Variants in MRPL38 observed in about 807,000 individuals in gnomAD.
MRPL38 encodes the protein large ribosomal subunit protein mL38.
A neutral mutation model predicts 52.1 loss-of-function variants in MRPL38; 51 were observed. The observed-to-expected ratio is 0.98, with a 90% CI of 0.78 to 1.24. The LOEUF is 1.24. Ranked by LOEUF, MRPL38 falls within the 50% of genes most tolerant of loss-of-function variation. The pLI, the probability that MRPL38 is intolerant of heterozygous loss-of-function variation, is 0.00. For missense variants in MRPL38, 527 were observed against 518.6 expected (o/e 1.02, Z -0.16); for synonymous variants, 245 against 212.7 (o/e 1.15, Z -1.32).
chr17:75,900,369 C>T (rs1186125110), intron 6 of MRPL38: 1 of 152,366 alleles, frequency 6.6e-6, no homozygotes, highest in Non-Finnish European at 1.5e-5. Flanking sequence ...TGTCACAGTC[C>T]ACCTCACGCT....
At chr17:75,902,398 C>A (rs554081777) in intron 2 of MRPL38, 52 of 512,660 alleles carry the variant, frequency 1.0e-4, no homozygotes, top group African/African-American at 9.7e-4. Context: ...AGCCACTGCG[C>A]CCAGCCATGG....
In MRPL38 at chr17:75,901,926, C is replaced by T. The variant is rs747083596; in HGVS notation, c.383-6G>A. 1.9e-6 allele frequency: 3 copies of T among 1,603,470 alleles called. No homozygotes were observed. Among genetic ancestry groups the T allele is most frequent in the East Asian group, 4.5e-5 (2 of 44,510 alleles). On this transcript the variant is annotated splice_region_variant and splice_polypyrimidine_tract_variant and intron_variant, in intron 3 of 8. Coordinates refer to ENST00000309352, the MANE Select transcript of MRPL38 (RefSeq NM_032478.4). The surrounding 1 kb of genome is among the most constrained non-coding windows in gnomAD (Gnocchi z 5.7). ...GGCATCCAGCGGGACACTGGCTAGA[C>T]AGGAATAAGGCCAGTTGGGATACGG...
chr17:75,898,834 C>T lies in MRPL38; in HGVS notation c.*16G>A, dbSNP rs142553820. On this transcript the variant is annotated 3_prime_UTR_variant, in exon 9 of 9. Transcript: ENST00000309352. ...CCGATCAATCCCATGCTCTGAAATG[C>T]GCACACTCTGGCTCCTTAGTAGATG... is the stretch of plus-strand genomic sequence containing the variant. 3.9e-3 allele frequency: 6,333 copies of T among 1,611,156 alleles called. 19 individuals carry two copies. Among genetic ancestry groups the T allele is most frequent in the Middle Eastern group, 0.012 (70 of 6,052 alleles).
intron 1 of MRPL38, 33 bp downstream of exon 1, chr17:75,904,776 C>G (rs767002438): frequency 1.1e-5 from 8 of 735,284 alleles, no homozygotes; most frequent in African/African-American, 2.9e-5. Context: ...GACAGCCCCC[C>G]CCCCCCCCCC....
At position 75,902,072 on chromosome 17, in the gene MRPL38, G is replaced by A. The variant is rs2065407549; in HGVS notation, c.330C>T (p.Ile110=). ...TQQLLERKQA[I]QELRANVEEE... is the part of the protein sequence containing the mutation. ...CTTCCACATTGGCCCGAAGCTCCTG[G>A]ATGGCCTGTTTCCGTTCCAGTAGCT... The change falls in exon 3 of 9, where the codon ATC becomes ATT. Residue 110 remains isoleucine (I), a synonymous_variant. Transcript: ENST00000309352. 1 of 1,612,070 alleles carries A rather than the reference G, an allele frequency of 6.2e-7. No individual in the cohort carries two copies. Among genetic ancestry groups the A allele is most frequent in the African/African-American group, 1.3e-5 (1 of 75,030 alleles).
chr17:75,899,436 G>C, intron 7 of MRPL38, 80 bp downstream of exon 7: 4 of 1,516,872 alleles, frequency 2.6e-6, no homozygotes, highest in Non-Finnish European at 3.5e-6. Flanking sequence ...CAAGGCTGAG[G>C]TCAAGAGAGA....
rs2065404104 is a variant in MRPL38 at position 75,901,468 on chromosome 17, GT to G, written c.592-196del. 1 of 680,936 alleles carries G rather than the reference GT, an allele frequency of 1.5e-6. No homozygotes were observed. Among genetic ancestry groups the G allele is most frequent in the African/African-American group, 1.8e-5 (1 of 55,716 alleles). 42.2% of individuals were successfully genotyped at this position (680,936 alleles called of 1,614,324 possible). The stretch of plus-strand genomic sequence containing the variant: ...AGGCAACAACCACAAAAACGAACAT[GT>G]GCCAAGGCCGGGCCAGGAGGGCACA... On this transcript the variant is annotated intron_variant, in intron 4 of 8. Transcript: ENST00000309352. The surrounding 1 kb of genome is among the most constrained non-coding windows in gnomAD (Gnocchi z 5.7).
chr17:75,903,601 G>T (rs2065415026), intron 2 of MRPL38, among the ~76,000 whole-genome samples: 1 of 152,052 alleles, frequency 6.6e-6, no homozygotes, highest in Non-Finnish European at 1.5e-5. Context: ...TTTAAATCGG[G>T]CTATTTAGAT....
rs1314192383 is a variant in MRPL38 at position 75,901,935 on chromosome 17, G to A, written c.383-15C>T. 1.9e-6 allele frequency: 3 copies of A among 1,606,894 alleles called. No homozygotes were observed. The highest frequency in any genetic ancestry group is 2.6e-6 in the Non-Finnish European group (3 of 1,175,496). ...CGGGACACTGGCTAGACAGGAATAA[G>A]GCCAGTTGGGATACGGGGGTGGGGG... is the stretch of plus-strand genomic sequence containing the variant. On this transcript the variant is annotated splice_polypyrimidine_tract_variant and intron_variant, in intron 3 of 8. Coordinates refer to ENST00000309352, the MANE Select transcript of MRPL38 (RefSeq NM_032478.4). The surrounding 1 kb of genome is among the most constrained non-coding windows in gnomAD (Gnocchi z 5.7).
intron 6 of MRPL38, chr17:75,899,963 C>T (rs1599472309): frequency 4.0e-6 from 1 of 248,552 alleles, no homozygotes; most frequent in East Asian, 7.7e-5. Flanking sequence ...GGGTCCGCCA[C>T]AGTCACTGAG....
rs191961404 is a variant in MRPL38, at chr17:75,899,575, G to A, written c.810C>T (p.Phe270=). The A allele has an allele frequency of 7.5e-6, 12 of 1,608,520 alleles. No homozygotes were observed. Among genetic ancestry groups the A allele is most frequent in the Middle Eastern group, 1.7e-4 (1 of 6,046 alleles). ...ARGSGIHRLA[F]LLFKQDQPID... ...TCGGCTGGTCCTGCTTGAAGAGCAG[G>A]AAGGCAAGACGGTGGATGCCGGAGC... The change falls in exon 7 of 9, where the codon TTC becomes TTT. Residue 270 remains phenylalanine, a synonymous_variant. Transcript: ENST00000309352.
chr17:75,901,380 C>T lies in MRPL38; in HGVS notation c.592-107G>A, dbSNP rs2065403787. 9.0e-7 allele frequency: 1 copy of T among 1,115,922 alleles called. No homozygotes were observed. The allele number at this position is 1,115,922 out of a possible 1,614,324, so 69.1% of individuals were successfully genotyped here. A position where few individuals can be genotyped will look rare whatever the true frequency, so the allele number is the denominator to read the frequency against. On this transcript the variant is annotated intron_variant, in intron 4 of 8. Transcript: ENST00000309352. This position sits in a 1 kb window ranked among gnomAD's most constrained non-coding sequence, Gnocchi z 5.7. ...CTCTGACCCAAAAGCCCTTGACAAC[C>T]CCTGGCACAGGCAGGCAGGCAAAGG...
chr17:75,899,570 A>G lies in MRPL38; in HGVS notation c.815T>C (p.Leu272Pro). 3 of 1,606,316 alleles carry G rather than the reference A, an allele frequency of 1.9e-6. No homozygotes were observed. Among genetic ancestry groups the G allele is most frequent in the Non-Finnish European group, 2.6e-6 (3 of 1,175,520 alleles). The part of the protein sequence containing the change: ...GSGIHRLAFL[L>P]FKQDQPIDFS... ...GTCAATCGGCTGGTCCTGCTTGAAG[A>G]GCAGGAAGGCAAGACGGTGGATGCC... Residue 272 changes from leucine to proline, a missense_variant, in exon 7 of 9, where the codon CTC (leucine) becomes CCC (proline). Transcript: ENST00000309352.
chr17:75,899,025 C>T (rs1172083848), intron 8 of MRPL38, 39 bp from the exon 9 acceptor site: 1 of 1,554,186 alleles, frequency 6.4e-7, no homozygotes, highest in Non-Finnish European at 8.7e-7. Context: ...GTCTGCTGGC[C>T]TGCGCCCCCT....
In MRPL38 at chr17:75,904,716, A is replaced by G. The variant is rs2065420942; in HGVS notation, c.71T>C (p.Val24Ala). The G allele has an allele frequency of 6.5e-7, 1 of 1,533,184 alleles. No homozygotes were observed. The highest frequency in any genetic ancestry group is 8.7e-7 in the Non-Finnish European group (1 of 1,147,510). The allele number at this position is 1,533,184 out of a possible 1,614,324, so 95.0% of individuals were successfully genotyped here. A position where few individuals can be genotyped will look rare whatever the true frequency, so the allele number is the denominator to read the frequency against. Reference sequence around the variant, plus strand: ...CAGCGGGGGTGTCCGGCGGCCCAGGACGGCTGCGGGCAGAGAGAAGACGTA... The same window carrying G: ...CAGCGGGGGTGTCCGGCGGCCCAGGGCGGCTGCGGGCAGAGAGAAGACGTA... ...RRWRGFSTSA[V>A]LGRRTPPLGP... The change falls in exon 2 of 9, where the codon GTC (valine) becomes GCC (alanine). Residue 24 changes from valine to alanine, a missense_variant. By Grantham distance (64) the Val-to-Ala change is moderately conservative. Coordinates refer to ENST00000309352, the MANE Select transcript of MRPL38 (RefSeq NM_032478.4).
chr17:75,904,117 G>A (rs935020888), intron 2 of MRPL38: 2 of 421,454 alleles, frequency 4.7e-6, no homozygotes, highest in Admixed American at 5.8e-5. Flanking sequence ...CTGTTCGGGT[G>A]CAAGGATCCA....
Position 75,901,453 on chromosome 17 carries a change from C to T in MRPL38, c.592-180G>A. On this transcript the variant is annotated intron_variant, in intron 4 of 8. Coordinates refer to ENST00000309352, the MANE Select transcript of MRPL38 (RefSeq NM_032478.4). The surrounding 1 kb of genome is among the most constrained non-coding windows in gnomAD (Gnocchi z 5.7). The stretch of plus-strand genomic sequence containing the variant: ...CAGAGTTGCCTGTCCAGGCAACAAC[C>T]ACAAAAACGAACATGTGCCAAGGCC... 1 of 701,584 alleles carries T rather than the reference C, an allele frequency of 1.4e-6. No homozygotes were observed. The highest frequency in any genetic ancestry group is 2.4e-6 in the Non-Finnish European group (1 of 416,044). 43.5% of individuals were successfully genotyped at this position (701,584 alleles called of 1,614,324 possible).
At position 75,904,832 on chromosome 17, in the gene MRPL38, C is replaced by T. The variant is rs1482892097; in HGVS notation, c.44G>A (p.Arg15Lys). The T allele has an allele frequency of 6.6e-7, 1 of 1,525,896 alleles. No individual in the cohort carries two copies. Among genetic ancestry groups the T allele is most frequent in the Admixed American group, 2.0e-5 (1 of 50,270 alleles). The allele number at this position is 1,525,896 out of a possible 1,614,324, so 94.5% of individuals were successfully genotyped here. A position where few individuals can be genotyped will look rare whatever the true frequency, so the allele number is the denominator to read the frequency against. Residue 15 changes from arginine to lysine, a missense_variant, in exon 1 of 9, where the codon AGA (arginine) becomes AAA (lysine). Transcript: ENST00000309352. ...ACCCGAGGTGCTGAAGCCCCGCCATCTCCGACACTCGCACAGCGCGGCTCG... is the reference window on the plus strand; with the variant it reads ...ACCCGAGGTGCTGAAGCCCCGCCATTTCCGACACTCGCACAGCGCGGCTCG... ...WWRAALCECR[R>K]WRGFSTSAVL...
Position 75,898,830 on chromosome 17 carries a change from A to G in MRPL38, c.*20T>C. On this transcript the variant is annotated 3_prime_UTR_variant, in exon 9 of 9. Coordinates refer to ENST00000309352, the MANE Select transcript of MRPL38 (RefSeq NM_032478.4). ...GCTGCCGATCAATCCCATGCTCTGA[A>G]ATGCGCACACTCTGGCTCCTTAGTA... The G allele has an allele frequency of 6.2e-7, 1 of 1,611,378 alleles. No individual in the cohort carries two copies. Among genetic ancestry groups the G allele is most frequent in the Non-Finnish European group, 8.5e-7 (1 of 1,179,310 alleles).
Sources: allele counts gnomAD v4.1 joint callset (sites outside exome capture counted in the v4.1 genomes callset), GRCh38; gene constraint gnomAD v4.1.1; non-coding constraint Gnocchi (gnomAD v3.1); transcripts MANE v1.5; gene names NCBI Gene and HGNC (gene_info 2026-07-23, HGNC 2026-07-21).